Variants in SH3PXD2A observed in about 807,000 individuals in gnomAD.
SH3PXD2A encodes SH3 and PX domain-containing protein 2A.
SH3PXD2A carries 32 observed loss-of-function variants against 115.2 expected under a neutral mutation model. The observed-to-expected ratio is 0.28, with a 90% CI of 0.21 to 0.37. The LOEUF (loss-of-function observed/expected upper bound fraction) is 0.37. Among genes scored for constraint, SH3PXD2A ranks in the 10% least tolerant of loss-of-function variants. SH3PXD2A has a pLI of 1.00. For synonymous variants in SH3PXD2A, 610 were observed against 629.1 expected (o/e 0.97, Z 0.45); for missense variants, 1,328 against 1,498.7 (o/e 0.89, Z 1.88).
intron 3 of SH3PXD2A, among the ~76,000 whole-genome samples, chr10:103,750,235 G>A (rs2038559901): frequency 6.6e-6 from 1 of 152,060 alleles, no homozygotes; most frequent in Non-Finnish European, 1.5e-5. Context: ...AAAATTTCTT[G>A]TAGAGATGGG....
At chr10:103,611,515 G>T in intron 13 of SH3PXD2A, 66 bp downstream of exon 13, 2 of 1,402,070 alleles carry the variant, frequency 1.4e-6, no homozygotes, top group Non-Finnish European at 2.0e-6. Context: ...ATAGCCAATT[G>T]ATCGGGTGGC....
Position 103,798,936 on chromosome 10 carries a change from T to G in SH3PXD2A, c.153+2346A>C, listed in dbSNP as rs139224721. On this transcript the variant is annotated intron_variant, in intron 2 of 14. Transcript: ENST00000369774. ...CCCCAGCCATGCAGCCCAACATCCC[T>G]GCAACCTGCTAACACCAGGCAACTC... Among the ~76,000 whole-genome samples the G allele has an allele frequency of 7.5e-3, 1,145 of 152,288 alleles. 9 individuals are homozygous for G. Among genetic ancestry groups the G allele is most frequent in the Non-Finnish European group, 0.013 (897 of 67,998 alleles).
At chr10:103,748,110 G>C (rs2038528981) in intron 3 of SH3PXD2A, among the ~76,000 whole-genome samples, 1 of 152,180 alleles carries the variant, frequency 6.6e-6, no homozygotes, top group Non-Finnish European at 1.5e-5. Context: ...TTGAGCACTT[G>C]GTATGTGCTA....
At chr10:103,834,389 C>T (rs1341412161) in intron 1 of SH3PXD2A, among the ~76,000 whole-genome samples, 1 of 152,226 alleles carries the variant, frequency 6.6e-6, no homozygotes, top group Non-Finnish European at 1.5e-5. Context: ...CAAGCCAGTC[C>T]ACAGGGACAG....
At chr10:103,680,671 A>G (rs1481798905) in intron 6 of SH3PXD2A, among the ~76,000 whole-genome samples, 2 of 152,244 alleles carry the variant, frequency 1.3e-5, no homozygotes, top group African/African-American at 4.8e-5. Flanking sequence ...ATAACAAAAT[A>G]CATTTTCAAG....
At chr10:103,683,349 C>T (rs577296640) in intron 6 of SH3PXD2A, among the ~76,000 whole-genome samples, 3 of 152,224 alleles carry the variant, frequency 2.0e-5, no homozygotes, top group Admixed American at 6.5e-5. Flanking sequence ...CCCATCTCTA[C>T]TAAAATACAA....
intron 13 of SH3PXD2A, 138 bp downstream of exon 13, chr10:103,611,443 A>C: frequency 1.3e-6 from 1 of 798,726 alleles, no homozygotes; most frequent in South Asian, 1.6e-5. Context: ...CCCTAGCCCC[A>C]CAAAACTAGA....
Position 103,627,897 on chromosome 10 carries a change from G to A in SH3PXD2A, c.605-695C>T, listed in dbSNP as rs1158855368. On this transcript the variant is annotated intron_variant, in intron 8 of 14. Transcript: ENST00000369774. The surrounding 1 kb of genome is among the most constrained non-coding windows in gnomAD (Gnocchi z 4.4). ...CCTTCCGAGAAGGTCCTCTTCACAC[G>A]GTCCTGTCTTCCTCCTCATCCCTTC... 1.3e-5 allele frequency among the ~76,000 whole-genome samples: 2 copies of A among 152,132 alleles called. No individual in the cohort carries two copies. The highest frequency in any genetic ancestry group is 6.5e-5 in the Admixed American group (1 of 15,278).
At chr10:103,625,679 G>C (rs2036680446) in intron 9 of SH3PXD2A, among the ~76,000 whole-genome samples, 1 of 152,190 alleles carries the variant, frequency 6.6e-6, no homozygotes, top group Admixed American at 6.5e-5. Flanking sequence ...ATTGCTTGGG[G>C]CCAGGAGTTC....
intron 8 of SH3PXD2A, among the ~76,000 whole-genome samples, chr10:103,640,660 G>C (rs1006737117): frequency 6.6e-6 from 1 of 152,214 alleles, no homozygotes; most frequent in Non-Finnish European, 1.5e-5. Context: ...TTTTAGAGAA[G>C]AAGGCGGTGA....
chr10:103,603,718 T>A lies in SH3PXD2A; in HGVS notation c.1500A>T (p.Ser500=). 6.2e-7 allele frequency: 1 copy of A among 1,611,078 alleles called. No individual in the cohort carries two copies. Among genetic ancestry groups the A allele is most frequent in the Non-Finnish European group, 8.5e-7 (1 of 1,179,836 alleles). The change falls in exon 15 of 15, where the codon TCA becomes TCT. Residue 500 remains serine, a synonymous_variant. Coordinates refer to ENST00000369774, the MANE Select transcript of SH3PXD2A (RefSeq NM_001394015.1). ...TGGGCTTCTTGCGCTTATCGATGTA[T>A]GATGCGGGGGCCCAGCCCTCCTTCT... ...IGEKEGWAPA[S]YIDKRKKPNL...
chr10:103,803,178 G>A (rs925457444), intron 1 of SH3PXD2A, among the ~76,000 whole-genome samples: 1 of 152,138 alleles, frequency 6.6e-6, no homozygotes, highest in Non-Finnish European at 1.5e-5. Flanking sequence ...CGCAACCAAG[G>A]AGAGGGCCAT....
At chr10:103,744,769 A>T (rs2038482416) in intron 3 of SH3PXD2A, among the ~76,000 whole-genome samples, 1 of 152,210 alleles carries the variant, frequency 6.6e-6, no homozygotes, top group South Asian at 2.1e-4. Flanking sequence ...CCCCATAGCG[A>T]AGGTCAGCAG....
intron 3 of SH3PXD2A, among the ~76,000 whole-genome samples, chr10:103,742,999 A>T (rs765852172): frequency 1.4e-4 from 21 of 152,142 alleles, no homozygotes; most frequent in Admixed American, 2.6e-4. Context: ...GACACAGGCA[A>T]TGCATGTGGG....
intron 6 of SH3PXD2A, among the ~76,000 whole-genome samples, chr10:103,687,361 C>G (rs529296196): frequency 6.6e-6 from 1 of 152,298 alleles, no homozygotes; most frequent in African/African-American, 2.4e-5. Context: ...TGAACCCTGG[C>G]TGATACAACA....
chr10:103,659,226 T>C (rs2037255731), intron 8 of SH3PXD2A, among the ~76,000 whole-genome samples: 1 of 152,178 alleles, frequency 6.6e-6, no homozygotes, highest in Non-Finnish European at 1.5e-5. Flanking sequence ...TTGTGTGCTC[T>C]CATCTTCAGC....
intron 2 of SH3PXD2A, among the ~76,000 whole-genome samples, chr10:103,770,726 G>A (rs2038808371): frequency 1.3e-5 from 2 of 152,226 alleles, no homozygotes; most frequent in Admixed American, 6.5e-5. Flanking sequence ...ATGACTGACA[G>A]GGGGACCAGC....
At chr10:103,770,475 A>G (rs1018590828) in intron 2 of SH3PXD2A, among the ~76,000 whole-genome samples, 1 of 152,254 alleles carries the variant, frequency 6.6e-6, no homozygotes, top group Non-Finnish European at 1.5e-5. Flanking sequence ...CACTGACATT[A>G]CAGGTGTGAG....
chr10:103,847,736 C>T (rs1352574795), intron 1 of SH3PXD2A, among the ~76,000 whole-genome samples: 1 of 152,062 alleles, frequency 6.6e-6, no homozygotes, highest in Non-Finnish European at 1.5e-5. Context: ...GTCAGGAGTT[C>T]GAGACCAGCC....
Sources: gnomAD v4.1 joint callset for allele counts (sites outside exome capture counted in the v4.1 genomes callset) on GRCh38, gnomAD v4.1.1 for gene constraint, Gnocchi (gnomAD v3.1) non-coding constraint, MANE v1.5 for transcripts, NCBI Gene and HGNC (gene_info 2026-07-23, HGNC 2026-07-21) for gene names.